Variants in FKBP5 observed in about 807,000 individuals in gnomAD.
FKBP5 encodes peptidyl-prolyl cis-trans isomerase FKBP5.
FKBP5 carries 23 observed loss-of-function variants against 50.5 expected under a neutral mutation model. That is an observed-to-expected ratio of 0.46 (90% CI 0.33 to 0.65). The LOEUF is 0.65. Ranked by LOEUF, FKBP5 falls within the 30% of genes least tolerant of loss-of-function variation. FKBP5 has a pLI of 0.02. For missense variants in FKBP5, 411 were observed against 553.1 expected (o/e 0.74, Z 2.58); for synonymous variants, 176 against 190.6 (o/e 0.92, Z 0.63).
At chr6:35,651,291 T>C (rs1240900471) in intron 1 of FKBP5, among the ~76,000 whole-genome samples, 1 of 152,226 alleles carries the variant, frequency 6.6e-6, no homozygotes, top group Non-Finnish European at 1.5e-5. Flanking sequence ...ATTAAACATG[T>C]ATTACTTTCA....
intron 3 of FKBP5, among the ~76,000 whole-genome samples, chr6:35,623,568 AT>A (rs1763910868): frequency 1.3e-5 from 2 of 150,198 alleles, no homozygotes; most frequent in African/African-American, 4.9e-5. Context: ...AAATGGCTAC[AT>A]CACTTTTTTT....
chr6:35,683,026 G>A (rs1765715018), intron 1 of FKBP5, among the ~76,000 whole-genome samples: 1 of 149,172 alleles, frequency 6.7e-6, no homozygotes, highest in African/African-American at 2.5e-5. Context: ...GTATATATAT[G>A]TCTCTTCCAA....
chr6:35,634,709 G>C (rs900014075), intron 3 of FKBP5, among the ~76,000 whole-genome samples: 1 of 85,936 alleles, frequency 1.2e-5, no homozygotes, highest in South Asian at 3.8e-4. Flanking sequence ...TGAATAGGGG[G>C]AATACTTCTT....
intron 2 of FKBP5, among the ~76,000 whole-genome samples, chr6:35,716,796 C>T (rs903967953): frequency 1.3e-5 from 2 of 152,182 alleles, no homozygotes; most frequent in African/African-American, 4.8e-5. Flanking sequence ...AGCCACCCTT[C>T]TGTTGAAGAG....
chr6:35,663,969 A>T (rs775786541), intron 1 of FKBP5, among the ~76,000 whole-genome samples: 8 of 152,234 alleles, frequency 5.3e-5, no homozygotes, highest in Non-Finnish European at 1.2e-4. Flanking sequence ...CGAGCTAAGT[A>T]ATCTATCCAA....
chr6:35,599,430 G>A (rs1428460584), intron 5 of FKBP5, among the ~76,000 whole-genome samples: 6 of 152,172 alleles, frequency 3.9e-5, no homozygotes, highest in Admixed American at 2.6e-4. Context: ...GACACTAGGG[G>A]CCGAAATGTC....
chr6:35,654,615 C>T (rs1395732826), intron 1 of FKBP5, among the ~76,000 whole-genome samples: 2 of 151,428 alleles, frequency 1.3e-5, no homozygotes, highest in Non-Finnish European at 1.5e-5. Flanking sequence ...TATGCATTGC[C>T]TTTTTTGTTT....
At chr6:35,684,182 T>C (rs1765758469) in intron 1 of FKBP5, among the ~76,000 whole-genome samples, 1 of 141,186 alleles carries the variant, frequency 7.1e-6, no homozygotes, top group Admixed American at 7.1e-5. Context: ...TAATTGTATC[T>C]TTTTTTTTTT....
intron 3 of FKBP5, among the ~76,000 whole-genome samples, chr6:35,630,160 A>AG (rs1466998220): frequency 6.6e-6 from 1 of 150,872 alleles, no homozygotes; most frequent in Admixed American, 6.6e-5. Flanking sequence ...AAGAGGGAGG[A>AG]GGAGGAAGAA....
At position 35,710,001 on chromosome 6, in the gene FKBP5, G is replaced by A. The variant is rs77644320; in HGVS notation, c.-20+10327C>T. 2.0e-3 allele frequency among the ~76,000 whole-genome samples: 307 copies of A among 152,292 alleles called. 6 individuals are homozygous for A. The South Asian group carries it at 0.023, about 11-fold the overall frequency. On this transcript the variant is annotated intron_variant, in intron 2 of 11. Coordinates refer to the FKBP5 transcript ENST00000536438. ...AGGGTAGTGAGGGAAGACCTCTGAG[G>A]AGGCAACATTTGTGCTAAGGCCCAA... is the stretch of plus-strand genomic sequence containing the variant.
intron 5 of FKBP5, chr6:35,607,554 G>A (rs552022838): frequency 7.2e-5 from 11 of 152,480 alleles, no homozygotes; most frequent in Admixed American, 3.9e-4. Flanking sequence ...AGTCAACCTA[G>A]GTGTCCATCA....
At position 35,671,279 on chromosome 6, in the gene FKBP5, T is replaced by A. The variant is rs866067952; in HGVS notation, c.-20+17525A>T. On this transcript the variant is annotated intron_variant, in intron 1 of 10. Transcript: ENST00000357266. The stretch of plus-strand genomic sequence containing the variant: ...ATCCTGTCTCAAAAAAAAAAAAAAA[T>A]AATAAATAAATAAACAAAAACAAGT... Among the ~76,000 whole-genome samples, 711 of 148,838 alleles carry A rather than the reference T, an allele frequency of 4.8e-3. 7 individuals carry two copies. Among genetic ancestry groups the A allele is most frequent in the East Asian group, 0.03 (153 of 5,072 alleles).
At chr6:35,646,198 G>C (rs7771718) in intron 1 of FKBP5, among the ~76,000 whole-genome samples, 1 of 152,102 alleles carries the variant, frequency 6.6e-6, no homozygotes, top group Non-Finnish European at 1.5e-5. Flanking sequence ...GTTTAAATTC[G>C]AGTAAATAGG....
rs1259098703 is a variant in FKBP5, at chr6:35,573,883, C to G, written c.*1952G>C. The G allele has an allele frequency of 3.9e-5, 6 of 152,236 alleles. No homozygotes were observed. Among genetic ancestry groups the G allele is most frequent in the African/African-American group, 1.4e-4 (6 of 41,460 alleles). 9.4% of individuals were successfully genotyped at this position (152,236 alleles called of 1,614,324 possible). On this transcript the variant is annotated 3_prime_UTR_variant, in exon 11 of 11. Transcript: ENST00000357266. ...CCACACACACTTTTGCCAGTTCCCC[C>G]TGGTGAACCATAATACACACGTGGG...
intron 1 of FKBP5, among the ~76,000 whole-genome samples, chr6:35,727,298 A>T (rs1288934116): frequency 1.3e-5 from 2 of 152,228 alleles, no homozygotes; most frequent in African/African-American, 2.4e-5. Context: ...CTTTAGGACC[A>T]GCACTTAGTG....
Position 35,619,115 on chromosome 6 carries a change from G to A in FKBP5, c.489C>T (p.Asn163=), listed in dbSNP as rs771671530. ...KRKGEGYSNP[N]EGATVEIHLE... is the part of the protein sequence containing the mutation. ...ACTTACTTTCTACTGTTGCTCCTTC[G>A]TTTGGATTTGAATATCCCTCTCCTT... The change falls in exon 5 of 11, where the codon AAC becomes AAT. Residue 163 remains asparagine, a synonymous_variant. Coordinates refer to ENST00000357266, the MANE Select transcript of FKBP5 (RefSeq NM_004117.4). The A allele has an allele frequency of 1.2e-6, 2 of 1,612,366 alleles. No homozygotes were observed. The highest frequency in any genetic ancestry group is 1.7e-5 in the Admixed American group (1 of 59,950).
chr6:35,628,804 C>T (rs1038042884), intron 3 of FKBP5, among the ~76,000 whole-genome samples: 2 of 151,806 alleles, frequency 1.3e-5, no homozygotes, highest in African/African-American at 4.8e-5. Context: ...CTGCAACCTC[C>T]ACTCCCAGGC....
chr6:35,728,424 G>C (rs1328579079), intron 1 of FKBP5: 1 of 152,316 alleles, frequency 6.6e-6, no homozygotes, highest in African/African-American at 2.4e-5. Context: ...GCCCACCTGG[G>C]AGAAGCACTC....
intron 5 of FKBP5, among the ~76,000 whole-genome samples, chr6:35,604,951 A>AT (rs765303580): frequency 1.8e-4 from 28 of 151,816 alleles, no homozygotes; most frequent in Non-Finnish European, 3.8e-4. Flanking sequence ...TGCCCAGCTA[A>AT]TTTTTTGTAT....
Sources: allele counts gnomAD v4.1 joint callset (sites outside exome capture counted in the v4.1 genomes callset), GRCh38; gene constraint gnomAD v4.1.1; transcripts MANE v1.5; gene names NCBI Gene and HGNC (gene_info 2026-07-23, HGNC 2026-07-21).